Variants in CYP46A1 observed in about 807,000 individuals in gnomAD.
CYP46A1 encodes cholesterol 24-hydroxylase.
Under a neutral mutation model 63.3 loss-of-function variants are expected in CYP46A1, and 20 were observed. That is an observed-to-expected ratio of 0.32 (90% CI 0.22 to 0.46). The LOEUF is 0.46. Among genes scored for constraint, CYP46A1 ranks in the 20% least tolerant of loss-of-function variants. The probability of loss-of-function intolerance (pLI) is 1.00; values close to 1 mark genes in which losing one functional copy is unlikely to be tolerated. For missense variants in CYP46A1, 445 were observed against 670.8 expected (o/e 0.66, Z 3.72); for synonymous variants, 268 against 273.6 (o/e 0.98, Z 0.20).
At chr14:99,721,193 G>A (rs2056843181) in intron 10 of CYP46A1, 46 bp from the exon 11 acceptor site, 9 of 1,455,900 alleles carry the variant, frequency 6.2e-6, no homozygotes, top group Non-Finnish European at 8.7e-6. Flanking sequence ...GTAAGTCGGG[G>A]ACAGGCTCCC....
intron 10 of CYP46A1, among the ~76,000 whole-genome samples, chr14:99,719,056 A>G (rs2056819493): frequency 6.6e-6 from 1 of 152,088 alleles, no homozygotes; most frequent in African/African-American, 2.4e-5. Context: ...CATGAGCCTT[A>G]TCACAGCATT....
intron 9 of CYP46A1, chr14:99,717,640 G>T (rs542396498): frequency 6.5e-5 from 11 of 168,966 alleles, no homozygotes; most frequent in Non-Finnish European, 1.4e-4. Context: ...TGGAGGGGTT[G>T]ACTCTATCAC....
intron 3 of CYP46A1, among the ~76,000 whole-genome samples, chr14:99,696,148 T>C (rs1340923728): frequency 6.6e-6 from 1 of 152,234 alleles, no homozygotes; most frequent in Non-Finnish European, 1.5e-5. Context: ...TGTTTAAATC[T>C]ACCATGTTAC....
At chr14:99,690,607 AG>A (rs1467995712) in intron 1 of CYP46A1, among the ~76,000 whole-genome samples, 2 of 152,178 alleles carry the variant, frequency 1.3e-5, no homozygotes, top group East Asian at 3.8e-4. Flanking sequence ...TCCCTTGCTG[AG>A]ATGGGCTTTG....
At chr14:99,713,744 A>G (rs1296508751) in intron 7 of CYP46A1, among the ~76,000 whole-genome samples, 1 of 151,386 alleles carries the variant, frequency 6.6e-6, no homozygotes, top group East Asian at 2.0e-4. Context: ...CCTAAAATAC[A>G]AAAATTAGCC....
intron 5 of CYP46A1, chr14:99,703,687 T>G (rs2056650987): frequency 1.0e-6 from 1 of 976,922 alleles, no homozygotes; most frequent in African/African-American, 1.8e-5. Flanking sequence ...TCACACCCAA[T>G]GTAGTGCTTC....
chr14:99,725,539 G>T lies in CYP46A1; in HGVS notation c.1265+60G>T. On this transcript the variant is annotated intron_variant, in intron 13 of 14. Coordinates refer to ENST00000261835, the MANE Select transcript of CYP46A1 (RefSeq NM_006668.2). The surrounding 1 kb of genome is among the most constrained non-coding windows in gnomAD (Gnocchi z 4.2). ...TGGCGGGAGAAGGACAGACACAGCGGCCTCTGGTCTGAGCCAGAGGCACCC... is the reference window on the plus strand; with the variant it reads ...TGGCGGGAGAAGGACAGACACAGCGTCCTCTGGTCTGAGCCAGAGGCACCC... The T allele has an allele frequency of 7.5e-7, 1 of 1,336,596 alleles. No homozygotes were observed. Among genetic ancestry groups the T allele is most frequent in the Non-Finnish European group, 1.1e-6 (1 of 929,574 alleles). 82.8% of individuals were successfully genotyped at this position (1,336,596 alleles called of 1,614,324 possible).
intron 3 of CYP46A1, among the ~76,000 whole-genome samples, chr14:99,695,257 T>C (rs1486535611): frequency 6.6e-6 from 1 of 152,198 alleles, no homozygotes; most frequent in Non-Finnish European, 1.5e-5. Flanking sequence ...AAAGAGTGTA[T>C]GTTGTGTTAT....
chr14:99,702,549 A>G (rs909527748), intron 5 of CYP46A1, among the ~76,000 whole-genome samples: 7 of 152,204 alleles, frequency 4.6e-5, no homozygotes, highest in Non-Finnish European at 2.9e-5. Flanking sequence ...TTGAATTTAT[A>G]GAAAAATTGC....
chr14:99,702,557 T>A (rs2056640997), intron 5 of CYP46A1, among the ~76,000 whole-genome samples: 1 of 152,174 alleles, frequency 6.6e-6, no homozygotes, highest in South Asian at 2.1e-4. Context: ...ATAGAAAAAT[T>A]GCCAGAATAG....
At chr14:99,692,006 A>G in intron 3 of CYP46A1, 145 bp downstream of exon 3, 1 of 793,410 alleles carries the variant, frequency 1.3e-6, no homozygotes, top group Non-Finnish European at 2.1e-6. Context: ...AAGGAATGGC[A>G]TCTTTCCCTC....
rs1349373348 is a variant in CYP46A1 at position 99,725,996 on chromosome 14, G to GGAAGGA, written c.1266-193_1266-192insAAGGAG. 6.6e-6 allele frequency among the ~76,000 whole-genome samples: 1 copy of GGAAGGA among 152,202 alleles called. No homozygotes were observed. The highest frequency in any genetic ancestry group is 1.5e-5 in the Non-Finnish European group (1 of 68,032). On this transcript the variant is annotated intron_variant, in intron 13 of 14. Coordinates refer to ENST00000261835, the MANE Select transcript of CYP46A1 (RefSeq NM_006668.2). The surrounding 1 kb of genome is among the most constrained non-coding windows in gnomAD (Gnocchi z 4.2). ...GGACAACAGCAGTTCCTTCCAGGAGGGTAAAAGGAGGAGAAAAAGAATGCA... is the reference window on the plus strand; with the variant it reads ...GGACAACAGCAGTTCCTTCCAGGAGGGAAGGAGTAAAAGGAGGAGAAAAAGAATGCA...
chr14:99,697,384 C>T (rs1025925699), intron 3 of CYP46A1, among the ~76,000 whole-genome samples: 1 of 152,180 alleles, frequency 6.6e-6, no homozygotes, highest in Non-Finnish European at 1.5e-5. Flanking sequence ...CTTTGTCCTA[C>T]TAATTCTGGC....
intron 5 of CYP46A1, among the ~76,000 whole-genome samples, chr14:99,703,097 G>A (rs2056645879): frequency 6.6e-6 from 1 of 152,196 alleles, no homozygotes; most frequent in Non-Finnish European, 1.5e-5. Flanking sequence ...GTTAGACTCA[G>A]GCTATCCCTC....
chr14:99,727,088 AG>A lies in CYP46A1; in HGVS notation c.*365del. 1 of 248,764 alleles carries A rather than the reference AG, an allele frequency of 4.0e-6. No individual in the cohort carries two copies. Among genetic ancestry groups the A allele is most frequent in the Non-Finnish European group, 7.7e-6 (1 of 129,678 alleles). 15.4% of individuals were successfully genotyped at this position (248,764 alleles called of 1,614,324 possible). ...GCCCTCCTTGCCACCCCCCGCCGGC[AG>A]GGGCCCCTCCTCTGTGCTCCCTCGG... On this transcript the variant is annotated 3_prime_UTR_variant, in exon 15 of 15. Transcript: ENST00000261835.
Position 99,721,327 on chromosome 14 carries a change from T to C in CYP46A1, c.1065+4T>C. The stretch of plus-strand genomic sequence containing the variant: ...GAGACTGCAGTACCTGTCCCAGGTG[T>C]GGGAAGTAGGAGGGAAGCTTCTGGG... On this transcript the variant is annotated splice_donor_region_variant and intron_variant, in intron 11 of 14. Transcript: ENST00000261835. The C allele has an allele frequency of 6.3e-7, 1 of 1,598,376 alleles. No homozygotes were observed. The highest frequency in any genetic ancestry group is 1.1e-5 in the South Asian group (1 of 90,778).
intron 3 of CYP46A1, among the ~76,000 whole-genome samples, chr14:99,693,939 A>C (rs1364179312): frequency 2.0e-5 from 3 of 152,148 alleles, no homozygotes; most frequent in Non-Finnish European, 4.4e-5. Flanking sequence ...GAACTTTTTC[A>C]TCTTCCCTAA....
At chr14:99,700,873 T>C (rs1278416164) in intron 5 of CYP46A1, among the ~76,000 whole-genome samples, 1 of 152,152 alleles carries the variant, frequency 6.6e-6, no homozygotes, top group Admixed American at 6.5e-5. Flanking sequence ...AGATGACAGC[T>C]CCATGCCTGT....
chr14:99,714,259 T>G (rs1048735807), intron 7 of CYP46A1, among the ~76,000 whole-genome samples: 2 of 152,242 alleles, frequency 1.3e-5, no homozygotes, highest in Non-Finnish European at 2.9e-5. Flanking sequence ...GGAACTCTTA[T>G]GCATTGTTGG....
Sources: allele counts gnomAD v4.1 joint callset (sites outside exome capture counted in the v4.1 genomes callset), GRCh38; gene constraint gnomAD v4.1.1; non-coding constraint Gnocchi (gnomAD v3.1); transcripts MANE v1.5; gene names NCBI Gene and HGNC (gene_info 2026-07-23, HGNC 2026-07-21).